Variants in EPHA6 observed in about 807,000 individuals in gnomAD.
EPHA6 encodes EPH receptor A6.
In EPHA6, 50 loss-of-function variants were observed where a neutral mutation model predicts 112.0. The ratio of observed to expected loss-of-function variants is 0.45; its 90% confidence interval spans 0.36 to 0.56. EPHA6 has a LOEUF of 0.56. Ranked by LOEUF, EPHA6 falls within the 20% of genes least tolerant of loss-of-function variation. The probability of loss-of-function intolerance (pLI) is 0.00; values close to 1 mark genes in which losing one functional copy is unlikely to be tolerated. For synonymous variants in EPHA6, 529 were observed against 490.7 expected, an observed-to-expected ratio of 1.08 and a Z score of -1.03; for missense variants, 1,280 against 1,417.4, an observed-to-expected ratio of 0.90 and a Z score of 1.56.
At chr3:96,946,935 G>A (rs958703668) in intron 2 of EPHA6, among the ~76,000 whole-genome samples, 8 of 151,998 alleles carry the variant, frequency 5.3e-5, no homozygotes, top group Non-Finnish European at 1.2e-4. Context: ...GTGATGATGA[G>A]CATTTTTTCA....
In EPHA6 at chr3:97,595,900, C is replaced by A. The variant is rs945061660; in HGVS notation, c.2512+3163C>A. Among the ~76,000 whole-genome samples, 10 of 142,694 alleles carry A rather than the reference C, an allele frequency of 7.0e-5. No individual in the cohort carries two copies. In the South Asian group the frequency reaches 2.2e-3, roughly 31 times the overall value. The allele number at this position is 142,694 out of a possible 152,430, so 93.6% of individuals were successfully genotyped here. On this transcript the variant is annotated intron_variant, in intron 12 of 17. Transcript: ENST00000389672. ...TTTTAAATATGTTATCAGACATATTCTCTTTTTTTTTTTTTTTTTTTTTGA... is the reference window on the plus strand; with the variant it reads ...TTTTAAATATGTTATCAGACATATTATCTTTTTTTTTTTTTTTTTTTTTGA...
intron 3 of EPHA6, among the ~76,000 whole-genome samples, chr3:97,071,745 G>A (rs528306530): frequency 6.6e-6 from 1 of 151,950 alleles, no homozygotes; most frequent in Non-Finnish European, 1.5e-5. Flanking sequence ...ATTTCCATAG[G>A]TTTTGAGGGG....
At position 96,819,359 on chromosome 3, in the gene EPHA6, A is replaced by T. The variant is rs184509426; in HGVS notation, c.385+4351A>T. Among the ~76,000 whole-genome samples, 385 of 152,204 alleles carry T rather than the reference A, an allele frequency of 2.5e-3. 5 individuals are homozygous for T. The highest frequency in any genetic ancestry group is 9.1e-4 in the Non-Finnish European group (62 of 67,950). On this transcript the variant is annotated intron_variant, in intron 1 of 17. Coordinates refer to ENST00000389672, the MANE Select transcript of EPHA6 (RefSeq NM_001080448.3). ...CTTTGTTTCTTCACTAATCATTGTT[A>T]GTATAAATGACTTAAGTACAAAAGA...
chr3:97,227,921 G>A (rs540074369), intron 4 of EPHA6, among the ~76,000 whole-genome samples: 2 of 152,286 alleles, frequency 1.3e-5, no homozygotes, highest in East Asian at 3.9e-4. Context: ...TAGTTGTTAT[G>A]TCTAAACCAC....
chr3:97,647,599 A>G (rs1222889104), intron 14 of EPHA6, among the ~76,000 whole-genome samples: 1 of 152,162 alleles, frequency 6.6e-6, no homozygotes, highest in Admixed American at 6.5e-5. Flanking sequence ...GTGAATGATT[A>G]GGGTCCGCAC....
At chr3:96,872,921 G>A (rs2036718659) in intron 2 of EPHA6, among the ~76,000 whole-genome samples, 1 of 152,010 alleles carries the variant, frequency 6.6e-6, no homozygotes, top group African/African-American at 2.4e-5. Flanking sequence ...CAATGTCTGT[G>A]TCATTATTGC....
intron 3 of EPHA6, among the ~76,000 whole-genome samples, chr3:97,178,676 C>T (rs565755679): frequency 2.0e-5 from 3 of 152,144 alleles, no homozygotes; most frequent in Non-Finnish European, 2.9e-5. Context: ...GCCACTCCCT[C>T]CTGTCCTCTA....
chr3:97,752,833 C>T lies in EPHA6; in HGVS notation c.*4132C>T, dbSNP rs1216181199. On this transcript the variant is annotated 3_prime_UTR_variant, in exon 18 of 18. Coordinates refer to ENST00000389672, the MANE Select transcript of EPHA6 (RefSeq NM_001080448.3). ...TAAGATCAATATCTGTTATTATAAA[C>T]TCACAGTTGGTGTCCATGTCTCTAT... Among the ~76,000 whole-genome samples the T allele has an allele frequency of 6.6e-6, 1 of 151,968 alleles. No individual in the cohort carries two copies. Among genetic ancestry groups the T allele is most frequent in the East Asian group, 1.9e-4 (1 of 5,194 alleles).
intron 11 of EPHA6, among the ~76,000 whole-genome samples, chr3:97,553,660 G>T (rs1263226575): frequency 6.6e-6 from 1 of 152,064 alleles, no homozygotes; most frequent in African/African-American, 2.4e-5. Context: ...CTCCCATCAG[G>T]TTCCTCCCTC....
intron 5 of EPHA6, among the ~76,000 whole-genome samples, chr3:97,296,005 T>C (rs1388273326): frequency 6.6e-6 from 1 of 152,154 alleles, no homozygotes; most frequent in African/African-American, 2.4e-5. Context: ...TCTTGGATAT[T>C]CATGCAGCTT....
intron 3 of EPHA6, among the ~76,000 whole-genome samples, chr3:97,163,975 A>G (rs1024738200): frequency 1.3e-5 from 2 of 152,334 alleles, no homozygotes; most frequent in Non-Finnish European, 2.9e-5. Context: ...GCTACTGGAA[A>G]TAAAAGTCTT....
rs189689364 is a variant in EPHA6, at chr3:97,568,582, A to G, written c.2387-24030A>G. Among the ~76,000 whole-genome samples, 118 of 152,330 alleles carry G rather than the reference A, an allele frequency of 7.7e-4. 1 individual carries two copies. Among genetic ancestry groups the G allele is most frequent in the African/African-American group, 2.6e-3 (110 of 41,572 alleles). ...CTCTTCAGAGCAGCTCCTTATGCCTACAATGCCCCTTTTTTCTTTCCCAGT... is the reference window on the plus strand; with the variant it reads ...CTCTTCAGAGCAGCTCCTTATGCCTGCAATGCCCCTTTTTTCTTTCCCAGT... On this transcript the variant is annotated intron_variant, in intron 11 of 17. Coordinates refer to ENST00000389672, the MANE Select transcript of EPHA6 (RefSeq NM_001080448.3).
intron 5 of EPHA6, among the ~76,000 whole-genome samples, chr3:97,267,612 A>T (rs530528435): frequency 1.7e-4 from 26 of 152,258 alleles, no homozygotes; most frequent in Non-Finnish European, 3.7e-4. Flanking sequence ...TTAAATTTGA[A>T]GTTCACTTAC....
intron 10 of EPHA6, among the ~76,000 whole-genome samples, chr3:97,502,675 T>C (rs1159734427): frequency 6.7e-6 from 1 of 150,266 alleles, no homozygotes; most frequent in Admixed American, 6.6e-5. Context: ...TCTACTAAAA[T>C]ACAAAAAAAT....
chr3:97,492,625 C>A (rs574179826), intron 10 of EPHA6, among the ~76,000 whole-genome samples: 1 of 122,050 alleles, frequency 8.2e-6, no homozygotes. Context: ...CAGACTCAAG[C>A]GGGAAGCTAA....
intron 5 of EPHA6, among the ~76,000 whole-genome samples, chr3:97,283,557 T>C (rs1159655448): frequency 6.6e-6 from 1 of 152,072 alleles, no homozygotes; most frequent in Non-Finnish European, 1.5e-5. Context: ...GTGATTATAA[T>C]ATTAAATGTT....
chr3:96,817,095 A>T (rs1006692409), intron 1 of EPHA6, among the ~76,000 whole-genome samples: 1 of 152,152 alleles, frequency 6.6e-6, no homozygotes, highest in Admixed American at 6.5e-5. Flanking sequence ...GGCTGTGCAT[A>T]AGAGTACAGT....
At chr3:97,641,023 G>A (rs1478366161) in intron 14 of EPHA6, among the ~76,000 whole-genome samples, 1 of 152,180 alleles carries the variant, frequency 6.6e-6, no homozygotes, top group Non-Finnish European at 1.5e-5. Context: ...TTGTAAGGAA[G>A]AAGGAGGATT....
At chr3:97,515,594 G>T (rs2092434864) in intron 10 of EPHA6, among the ~76,000 whole-genome samples, 1 of 152,174 alleles carries the variant, frequency 6.6e-6, no homozygotes, top group Non-Finnish European at 1.5e-5. Flanking sequence ...CTCAAGGGAA[G>T]AAATCAGGTA....
Sources: gnomAD v4.1 joint callset for allele counts (sites outside exome capture counted in the v4.1 genomes callset) on GRCh38, gnomAD v4.1.1 for gene constraint, MANE v1.5 for transcripts, NCBI Gene and HGNC (gene_info 2026-07-23, HGNC 2026-07-21) for gene names.